METAP1D: variants seen among roughly 807,000 people sequenced by gnomAD.
METAP1D encodes methionyl aminopeptidase type 1D, mitochondrial, also known as methionine aminopeptidase 1D, mitochondrial.
In METAP1D, 31 loss-of-function variants were observed where a neutral mutation model predicts 40.5. The ratio of observed to expected loss-of-function variants is 0.77; its 90% CI spans 0.58 to 1.03. The LOEUF is 1.03. Ranked by LOEUF, METAP1D falls within the 50% of genes least tolerant of loss-of-function variation. The pLI, the probability that METAP1D is intolerant of heterozygous loss-of-function variation, is 0.00. For synonymous variants in METAP1D, 151 were observed against 146.4 expected, an observed-to-expected ratio of 1.03 and a Z score of -0.22; for missense variants, 411 against 420.7, an observed-to-expected ratio of 0.98 and a Z score of 0.20.
intron 1 of METAP1D, among the ~76,000 whole-genome samples, chr2:172,033,219 T>A (rs1288790410): frequency 6.6e-6 from 1 of 151,370 alleles, no homozygotes; most frequent in Non-Finnish European, 1.5e-5. Context: ...TGAGAAGTGC[T>A]AGGGACAAAT....
chr2:172,001,984 T>C (rs1248761549), intron 1 of METAP1D, among the ~76,000 whole-genome samples: 1 of 140,092 alleles, frequency 7.1e-6, no homozygotes, highest in African/African-American at 2.5e-5. Context: ...TAATCCCAGC[T>C]ACTTGGGAGG....
At chr2:172,016,836 A>G (rs1221028364) in intron 1 of METAP1D, among the ~76,000 whole-genome samples, 1 of 151,588 alleles carries the variant, frequency 6.6e-6, no homozygotes, top group Non-Finnish European at 1.5e-5. Context: ...AGGTGCTGTA[A>G]TTCTCTAGGC....
intron 6 of METAP1D, among the ~76,000 whole-genome samples, chr2:172,071,672 A>G (rs1223716774): frequency 6.6e-6 from 1 of 152,062 alleles, no homozygotes; most frequent in Non-Finnish European, 1.5e-5. Flanking sequence ...GTGTTTTCTG[A>G]ATTTAAGACT....
chr2:172,035,083 G>A (rs2105421736), intron 1 of METAP1D, among the ~76,000 whole-genome samples: 1 of 150,382 alleles, frequency 6.6e-6, no homozygotes, highest in South Asian at 2.1e-4. Flanking sequence ...AGAGAAACGT[G>A]TAAAAGAAAT....
At chr2:172,066,568 T>C (rs1690285869) in intron 5 of METAP1D, among the ~76,000 whole-genome samples, 1 of 152,212 alleles carries the variant, frequency 6.6e-6, no homozygotes, top group South Asian at 2.1e-4. Flanking sequence ...TCCTGCTATG[T>C]GTCATGTTTT....
chr2:172,024,592 C>G (rs950038734), intron 1 of METAP1D, among the ~76,000 whole-genome samples: 6 of 152,092 alleles, frequency 3.9e-5, no homozygotes, highest in African/African-American at 1.4e-4. Context: ...CAGGTAACCC[C>G]CCGCTATATA....
chr2:172,053,303 C>G (rs1011843512), intron 1 of METAP1D, among the ~76,000 whole-genome samples: 3 of 152,172 alleles, frequency 2.0e-5, no homozygotes, highest in Non-Finnish European at 4.4e-5. Context: ...TAAATCAGCA[C>G]CCCGAAAATA....
At chr2:172,050,439 T>G (rs567637042) in intron 1 of METAP1D, among the ~76,000 whole-genome samples, 1 of 152,160 alleles carries the variant, frequency 6.6e-6, no homozygotes, top group South Asian at 2.1e-4. Flanking sequence ...TATCAGTTTT[T>G]TTTTAAAAAA....
chr2:172,063,890 T>G, intron 3 of METAP1D, 30 bp downstream of exon 3: 1 of 1,564,816 alleles, frequency 6.4e-7, no homozygotes, highest in Non-Finnish European at 8.6e-7. Flanking sequence ...CAGAACGACT[T>G]ACATAAGGGG....
At chr2:172,038,568 T>C (rs1036023859) in intron 1 of METAP1D, among the ~76,000 whole-genome samples, 2 of 152,242 alleles carry the variant, frequency 1.3e-5, no homozygotes, top group East Asian at 1.9e-4. Context: ...TGTAGCATTA[T>C]ATAAATGCAT....
At chr2:172,054,217 G>A (rs1359909655) in intron 1 of METAP1D, among the ~76,000 whole-genome samples, 1 of 152,054 alleles carries the variant, frequency 6.6e-6, no homozygotes, top group African/African-American at 2.4e-5. Context: ...AGCAACATTC[G>A]TTATTTAAAA....
intron 1 of METAP1D, among the ~76,000 whole-genome samples, chr2:172,045,733 A>ATATGTG (rs1689728383): frequency 2.8e-5 from 2 of 71,002 alleles, no homozygotes; most frequent in African/African-American, 4.8e-5. Flanking sequence ...GTGTGTGTGT[A>ATATGTG]TATATATGTG....
chr2:172,061,243 ATGTT>A (rs1413446500), intron 1 of METAP1D, among the ~76,000 whole-genome samples: 1 of 152,158 alleles, frequency 6.6e-6, no homozygotes, highest in Non-Finnish European at 1.5e-5. Context: ...ATGTTTCTAT[ATGTT>A]TGTTTCCCGT....
chr2:172,018,766 C>T (rs899397955), intron 1 of METAP1D, among the ~76,000 whole-genome samples: 1 of 151,912 alleles, frequency 6.6e-6, no homozygotes, highest in Non-Finnish European at 1.5e-5. Flanking sequence ...CCACCTGCTG[C>T]GGGCTATTAC....
At chr2:172,001,350 G>A (rs1309125196) in intron 1 of METAP1D, among the ~76,000 whole-genome samples, 1 of 151,850 alleles carries the variant, frequency 6.6e-6, no homozygotes, top group Non-Finnish European at 1.5e-5. Context: ...GACCAGCCTG[G>A]CCAACATGGT....
rs1037847422 is a variant in METAP1D at position 172,058,438 on chromosome 2, C to T, written c.41-3060C>T. Among the ~76,000 whole-genome samples, 4 of 152,330 alleles carry T rather than the reference C, an allele frequency of 2.6e-5. No homozygotes were observed. In the East Asian group the frequency reaches 7.7e-4, roughly 29 times the overall value. ...ACTGTCTGCTTTTCCTAGGACACTACCCTGTCCCTCATATATCAGTTGACA... is the reference window on the plus strand; with the variant it reads ...ACTGTCTGCTTTTCCTAGGACACTATCCTGTCCCTCATATATCAGTTGACA... On this transcript the variant is annotated intron_variant, in intron 1 of 9. Transcript: ENST00000315796.
At chr2:172,045,575 C>T (rs1284696875) in intron 1 of METAP1D, among the ~76,000 whole-genome samples, 1 of 147,060 alleles carries the variant, frequency 6.8e-6, no homozygotes, top group Non-Finnish European at 1.5e-5. Context: ...GCAGGAGAAT[C>T]ACTTGAGCCT....
intron 1 of METAP1D, among the ~76,000 whole-genome samples, chr2:172,001,007 A>C (rs752292719): frequency 6.6e-5 from 10 of 152,170 alleles, no homozygotes; most frequent in Non-Finnish European, 1.2e-4. Flanking sequence ...TGTCTCAAAA[A>C]CAAAAACAAA....
Position 172,017,235 on chromosome 2 carries a change from T to TACAC in METAP1D, c.40+17262_40+17265dup, listed in dbSNP as rs370746234. 4.1e-3 allele frequency among the ~76,000 whole-genome samples: 570 copies of TACAC among 139,468 alleles called. 4 individuals are homozygous for TACAC. Among genetic ancestry groups the TACAC allele is most frequent in the East Asian group, 0.013 (60 of 4,622 alleles). The allele number at this position is 139,468 out of a possible 152,430, so 91.5% of individuals were successfully genotyped here. ...GTCTGTCTTGTTCCATGAAAGGTTT[T>TACAC]ACACACACACACACACACACACACA... On this transcript the variant is annotated intron_variant, in intron 1 of 9. Transcript: ENST00000315796.
Sources: allele counts gnomAD v4.1 joint callset (sites outside exome capture counted in the v4.1 genomes callset), GRCh38; gene constraint gnomAD v4.1.1; transcripts MANE v1.5; gene names NCBI Gene and HGNC (gene_info 2026-07-23, HGNC 2026-07-21).